The following SRGAP2C variants were observed in gnomAD, a reference collection of about 807,000 sequenced individuals.
SRGAP2C encodes the protein SLIT-ROBO Rho GTPase-activating protein 2C.
Under a neutral mutation model 25.1 loss-of-function variants are expected in SRGAP2C, and 15 were observed. The ratio of observed to expected loss-of-function variants is 0.60; its 90% CI spans 0.40 to 0.92. The LOEUF (loss-of-function observed/expected upper bound fraction) is 0.92, where lower values mean the gene tolerates loss of function less well. Ranked by LOEUF, SRGAP2C falls within the 40% of genes least tolerant of loss-of-function variation. The pLI is 0.00. For synonymous variants in SRGAP2C, 44 were observed against 96.6 expected, an observed-to-expected ratio of 0.46 and a Z score of 3.19; for missense variants, 144 against 264.4, an observed-to-expected ratio of 0.54 and a Z score of 3.16.
chr1:121,348,023 C>A (rs1388588686), intron 4 of SRGAP2C, among the ~76,000 whole-genome samples: 2 of 122,634 alleles, frequency 1.6e-5, no homozygotes, highest in Non-Finnish European at 1.7e-5. Context: ...GGTGTTTGAA[C>A]CTTTGCTCTG....
chr1:121,346,878 A>T (rs1223581673), intron 4 of SRGAP2C, among the ~76,000 whole-genome samples: 1 of 151,710 alleles, frequency 6.6e-6, no homozygotes, highest in Non-Finnish European at 1.5e-5. Context: ...AGCTCCTAAG[A>T]TAGATTGTCT....
intron 2 of SRGAP2C, among the ~76,000 whole-genome samples, chr1:121,236,137 G>A (rs1405766209): frequency 1.3e-5 from 2 of 149,528 alleles, no homozygotes; most frequent in African/African-American, 4.9e-5. Flanking sequence ...ATTTCTCTAG[G>A]GGGTCTTGAT....
In SRGAP2C at chr1:121,187,467, CA is replaced by C. The variant is rs1654547403; in HGVS notation, c.26del (p.Lys9ArgfsTer6). 3.2e-6 allele frequency: 1 copy of C among 317,098 alleles called. No individual in the cohort carries two copies. 19.6% of individuals were successfully genotyped at this position (317,098 alleles called of 1,614,324 possible). ...AAAACATGACGTCTCCAGCCAAATT[CA>C]AAAAGGATAAGGAGATCATAGCAGA... MTSPAKF[K>X]KDKEIIAEYD... On this transcript the variant is annotated frameshift_variant, in exon 2 of 10. Transcript: ENST00000367123. LOFTEE classifies it high-confidence loss of function.
At chr1:121,282,834 A>C (rs1176626909) in intron 2 of SRGAP2C, among the ~76,000 whole-genome samples, 1 of 150,580 alleles carries the variant, frequency 6.6e-6, no homozygotes, top group African/African-American at 2.4e-5. Context: ...CTGGGATTAC[A>C]GGCGTGAGCC....
chr1:121,289,244 T>C (rs1379798069), intron 3 of SRGAP2C, among the ~76,000 whole-genome samples: 1 of 150,024 alleles, frequency 6.7e-6, no homozygotes, highest in African/African-American at 2.5e-5. Context: ...TCCTGAGCCC[T>C]GCCCCGCGGG....
At chr1:121,204,556 G>A (rs201813724) in intron 2 of SRGAP2C, among the ~76,000 whole-genome samples, 105 of 151,950 alleles carry the variant, frequency 6.9e-4, no homozygotes, top group Admixed American at 8.5e-4. Flanking sequence ...CACCGTGCCC[G>A]GCCTCAGAGT....
intron 2 of SRGAP2C, among the ~76,000 whole-genome samples, chr1:121,207,252 C>T (rs1655136462): frequency 6.6e-6 from 1 of 152,150 alleles, no homozygotes; most frequent in South Asian, 2.1e-4. Flanking sequence ...TGTTTGTATG[C>T]AGGAATTAAT....
At chr1:121,222,358 G>T (rs1282726271) in intron 2 of SRGAP2C, among the ~76,000 whole-genome samples, 19 of 152,116 alleles carry the variant, frequency 1.2e-4, no homozygotes, top group Admixed American at 1.2e-3. Flanking sequence ...GGTTGGCGCT[G>T]TGGCTCACAC....
At chr1:121,218,679 G>A (rs9729813) in intron 2 of SRGAP2C, among the ~76,000 whole-genome samples, 2 of 150,378 alleles carry the variant, frequency 1.3e-5, no homozygotes, top group East Asian at 1.9e-4. Flanking sequence ...CCCGGGAGGC[G>A]AAGGTTGCAG....
At chr1:121,218,711 C>A (rs1553325183) in intron 2 of SRGAP2C, among the ~76,000 whole-genome samples, 1 of 151,674 alleles carries the variant, frequency 6.6e-6, no homozygotes, top group African/African-American at 2.4e-5. Context: ...CACACCACTG[C>A]ACTCCAGTCT....
intron 5 of SRGAP2C, among the ~76,000 whole-genome samples, chr1:121,371,059 G>A (rs1553350962): frequency 6.6e-6 from 1 of 151,854 alleles, no homozygotes; most frequent in East Asian, 1.9e-4. Flanking sequence ...AAAGTAAAGT[G>A]GAATATTCTT....
intron 3 of SRGAP2C, among the ~76,000 whole-genome samples, chr1:121,293,748 C>T (rs1428177262): frequency 2.1e-5 from 3 of 143,100 alleles, no homozygotes; most frequent in East Asian, 2.1e-4. Context: ...CTCATCACCT[C>T]CCCCGGAGCT....
At chr1:121,238,529 A>T (rs1280618131) in intron 2 of SRGAP2C, among the ~76,000 whole-genome samples, 1 of 152,122 alleles carries the variant, frequency 6.6e-6, no homozygotes, top group Non-Finnish European at 1.5e-5. Context: ...GTCTTGCCAC[A>T]TAATTTGCAT....
intron 4 of SRGAP2C, among the ~76,000 whole-genome samples, chr1:121,350,674 G>C (rs1658878889): frequency 6.6e-6 from 1 of 152,138 alleles, no homozygotes; most frequent in Non-Finnish European, 1.5e-5. Flanking sequence ...AAGTCTTCAT[G>C]ATCTTGGATT....
At chr1:121,239,526 C>T (rs1656072814) in intron 2 of SRGAP2C, among the ~76,000 whole-genome samples, 1 of 128,572 alleles carries the variant, frequency 7.8e-6, no homozygotes. Flanking sequence ...AAGATGTGAA[C>T]AGGCTTGGCA....
intron 2 of SRGAP2C, among the ~76,000 whole-genome samples, chr1:121,276,549 CCCTT>C (rs1657114147): frequency 7.6e-6 from 1 of 132,182 alleles, no homozygotes; most frequent in Non-Finnish European, 1.6e-5. Flanking sequence ...CCTCTCCTCA[CCCTT>C]CATTTACTGA....
intron 2 of SRGAP2C, among the ~76,000 whole-genome samples, chr1:121,263,022 T>G (rs1194581891): frequency 2.0e-5 from 3 of 152,078 alleles, no homozygotes; most frequent in South Asian, 2.1e-4. Context: ...AAAACCATTT[T>G]TTTATCATAT....
chr1:121,241,470 C>T (rs1384636226), intron 2 of SRGAP2C, among the ~76,000 whole-genome samples: 2 of 4,218 alleles, frequency 4.7e-4, no homozygotes, highest in South Asian at 6.8e-3. Flanking sequence ...ATTATGAAAA[C>T]CCAAGGATGA....
intron 4 of SRGAP2C, among the ~76,000 whole-genome samples, chr1:121,336,419 T>TTCTCTCCCTCCTCTGTC (rs1658516185): frequency 8.3e-6 from 1 of 120,984 alleles, no homozygotes; most frequent in Non-Finnish European, 1.7e-5. Context: ...CTCTCTCTCC[T>TTCTCTCCCTCCTCTGTC]TCTCTCCCTC....
Sources: allele counts gnomAD v4.1 joint callset (sites outside exome capture counted in the v4.1 genomes callset), GRCh38; gene constraint gnomAD v4.1.1; transcripts MANE v1.5; gene names NCBI Gene and HGNC (gene_info 2026-07-23, HGNC 2026-07-21).